OR2AT4: variants seen among roughly 807,000 people sequenced by gnomAD.
OR2AT4 encodes the protein olfactory receptor family 2 subfamily AT member 4, also known as olfactory receptor 2AT4.
A neutral mutation model predicts 10.3 loss-of-function variants in OR2AT4; 6 were observed. The observed-to-expected ratio is 0.58, with a 90% CI of 0.32 to 1.15. The LOEUF (loss-of-function observed/expected upper bound fraction) is 1.15, where lower values mean the gene tolerates loss of function less well. Ranked by LOEUF, OR2AT4 falls within the 50% of genes most tolerant of loss-of-function variation. The pLI, the probability that OR2AT4 is intolerant of heterozygous loss-of-function variation, is 0.05. For synonymous variants in OR2AT4, 145 were observed against 159.1 expected (o/e 0.91, Z 0.67); for missense variants, 354 against 393.8 (o/e 0.90, Z 0.85).
chr11:75,086,789 T>C (rs1243276337), exon 2 of OR2AT4: 1 of 152,200 alleles, frequency 6.6e-6, no homozygotes. Flanking sequence ...ATATATAACA[T>C]GTATCCACCA....
chr11:75,089,951 C>T (rs1360926482), exon 2 of OR2AT4: 1 of 493,124 alleles, frequency 2.0e-6, no homozygotes, highest in Non-Finnish European at 3.5e-6. Context: ...TAATTAATAA[C>T]CAACCAAATA....
At chr11:75,091,372 T>C (rs1949319510) in intron 1 of OR2AT4, among the ~76,000 whole-genome samples, 1 of 152,228 alleles carries the variant, frequency 6.6e-6, no homozygotes, top group South Asian at 2.1e-4. Flanking sequence ...AAACAAGGAC[T>C]CTAGTATAAC....
chr11:75,090,678 T>A (rs374492522), intron 1 of OR2AT4, among the ~76,000 whole-genome samples: 2 of 152,296 alleles, frequency 1.3e-5, no homozygotes, highest in South Asian at 4.2e-4. Flanking sequence ...CAAAACATAC[T>A]GGAAATTTGA....
At chr11:75,088,633 C>T (rs1949301121) in exon 2 of OR2AT4, 9 of 1,028,964 alleles carry the variant, frequency 8.7e-6, no homozygotes, top group Non-Finnish European at 1.2e-5. Context: ...AAATTTTATA[C>T]AACAACTTAA....
chr11:75,092,808 A>G (rs1949326349), intron 1 of OR2AT4, among the ~76,000 whole-genome samples: 2 of 152,040 alleles, frequency 1.3e-5, no homozygotes, highest in Non-Finnish European at 1.5e-5. Flanking sequence ...AAGATTAAAA[A>G]AAAAAAGATA....
chr11:75,083,209 A>G (rs1342330623), exon 2 of OR2AT4: 1 of 152,228 alleles, frequency 6.6e-6, no homozygotes, highest in Non-Finnish European at 1.5e-5. Flanking sequence ...ATAAGCAAAA[A>G]CCAAATAATA....
exon 2 of OR2AT4, chr11:75,089,046 T>A: frequency 6.2e-7 from 1 of 1,613,984 alleles, no homozygotes; most frequent in South Asian, 1.1e-5. Context: ...GATGTGGACA[T>A]AGGAGAGAAG....
chr11:75,091,593 A>T (rs545141375), intron 1 of OR2AT4, among the ~76,000 whole-genome samples: 1 of 152,320 alleles, frequency 6.6e-6, no homozygotes, highest in Admixed American at 6.5e-5. Flanking sequence ...TGCAAAATAG[A>T]TCAGTAGAAA....
At chr11:75,085,125 T>C (rs1346707615) in exon 2 of OR2AT4, 2 of 152,004 alleles carry the variant, frequency 1.3e-5, no homozygotes, top group Non-Finnish European at 2.9e-5. Context: ...GGTAAACCTA[T>C]AGCTAAACTG....
At chr11:75,092,467 T>C (rs1949324544) in intron 1 of OR2AT4, among the ~76,000 whole-genome samples, 3 of 152,186 alleles carry the variant, frequency 2.0e-5, no homozygotes, top group East Asian at 1.9e-4. Context: ...TATCTATAGA[T>C]ATAAATATAA....
chr11:75,091,840 A>T (rs1949321699), intron 1 of OR2AT4, among the ~76,000 whole-genome samples: 1 of 152,188 alleles, frequency 6.6e-6, no homozygotes. Flanking sequence ...ATGTATGTTT[A>T]CGAAAGTTTA....
At chr11:75,089,470 T>C (rs774573190) in exon 2 of OR2AT4, 4 of 1,613,924 alleles carry the variant, frequency 2.5e-6, no homozygotes, top group Non-Finnish European at 3.4e-6. Flanking sequence ...TTGGGGACAG[T>C]GGTTGTGGTG....
chr11:75,087,263 A>T (rs1949295640), exon 2 of OR2AT4: 1 of 152,188 alleles, frequency 6.6e-6, no homozygotes, highest in Non-Finnish European at 1.5e-5. Context: ...GACACAGAGG[A>T]AGTTAGGTGA....
chr11:75,089,575 T>C (rs759366050), exon 2 of OR2AT4: 1 of 1,614,074 alleles, frequency 6.2e-7, no homozygotes, highest in Non-Finnish European at 8.5e-7. Context: ...ATCAGGGCAT[T>C]ACCCATCAGG....
In OR2AT4 at chr11:75,090,168, T is replaced by TA; in HGVS notation, c.-456_-455insT. The TA allele has an allele frequency of 6.1e-6, 1 of 164,110 alleles. No homozygotes were observed. The allele number at this position is 164,110 out of a possible 1,614,324, so 10.2% of individuals were successfully genotyped here. A position where few individuals can be genotyped will look rare whatever the true frequency, so the allele number is the denominator to read the frequency against. The stretch of plus-strand genomic sequence containing the variant: ...GTGTGGTTTAAGTTGATGTCAGATC[T>TA]CATAAATCAAGTCCTTAAGCTCATG... On this transcript the variant is annotated 5_prime_UTR_variant, in exon 2 of 2. It introduces an in-frame stop codon into an upstream open reading frame of the 5' UTR. Transcript: ENST00000641504.
chr11:75,089,182 A>G, exon 2 of OR2AT4: 1 of 1,614,140 alleles, frequency 6.2e-7, no homozygotes. Context: ...TGGTAGATGT[A>G]GGCAATGCTG....
exon 2 of OR2AT4, chr11:75,088,913 G>A (rs780211815): frequency 2.5e-6 from 4 of 1,613,966 alleles, no homozygotes; most frequent in Non-Finnish European, 3.4e-6. Flanking sequence ...GGTCAGCCCT[G>A]TAGGCCACGT....
At chr11:75,088,965 A>T (rs1949304091) in exon 2 of OR2AT4, 5 of 1,614,098 alleles carry the variant, frequency 3.1e-6, no homozygotes, top group Admixed American at 1.7e-5. Flanking sequence ...CACGACCAGA[A>T]GGTGGGAGCT....
chr11:75,087,769 T>C (rs1949297443), exon 2 of OR2AT4: 1 of 152,256 alleles, frequency 6.6e-6, no homozygotes, highest in Non-Finnish European at 1.5e-5. Context: ...CAAGTGCTTC[T>C]GTTTATTTTA....
Sources: gnomAD v4.1 joint callset for allele counts (sites outside exome capture counted in the v4.1 genomes callset) on GRCh38, gnomAD v4.1.1 for gene constraint, MANE v1.5 for transcripts, NCBI Gene and HGNC (gene_info 2026-07-23, HGNC 2026-07-21) for gene names.